GHR: variants seen among roughly 807,000 people sequenced by gnomAD.
GHR encodes growth hormone receptor.
In GHR, 35 loss-of-function variants were observed where a neutral mutation model predicts 67.1. The observed-to-expected ratio is 0.52, with a 90% confidence interval of 0.40 to 0.69. GHR has a LOEUF of 0.69. GHR is among the 30% of genes least tolerant of loss of function. The pLI, the probability that GHR is intolerant of heterozygous loss-of-function variation, is 0.00. For synonymous variants in GHR, 272 were observed against 269.1 expected (o/e 1.01, Z -0.10); for missense variants, 792 against 764.6 (o/e 1.04, Z -0.42).
chr5:42,449,510 C>T (rs1743957939), intron 1 of GHR, among the ~76,000 whole-genome samples: 1 of 152,078 alleles, frequency 6.6e-6, no homozygotes. Context: ...TTACTGAATT[C>T]ATTTATCAGA....
At chr5:42,570,330 T>C (rs1409654633) in intron 2 of GHR, among the ~76,000 whole-genome samples, 1 of 152,244 alleles carries the variant, frequency 6.6e-6, no homozygotes, top group African/African-American at 2.4e-5. Context: ...TGCGTCCATG[T>C]ACATCAGCAA....
Position 42,699,929 on chromosome 5 carries a change from A to G in GHR, c.545A>G (p.Asp182Gly), listed in dbSNP as rs778131985. 5 of 1,598,432 alleles carry G rather than the reference A, an allele frequency of 3.1e-6. No individual in the cohort carries two copies. The highest frequency in any genetic ancestry group is 4.3e-6 in the Non-Finnish European group (5 of 1,165,634). Reference sequence around the variant, plus strand: ...AGATGGGAAGCACCACGCAATGCAGATATTCAGAAAGGATGGATGGTTCTG... The same window carrying G: ...AGATGGGAAGCACCACGCAATGCAGGTATTCAGAAAGGATGGATGGTTCTG... ...QVRWEAPRNA[D>G]IQKGWMVLEY... Residue 182 changes from aspartate (D) to glycine (G), a missense_variant, in exon 6 of 10, where the codon GAT becomes GGT. Asp to Gly is a moderately conservative substitution (Grantham distance 94, BLOSUM62 -1). Transcript: ENST00000230882.
At position 42,465,805 on chromosome 5, in the gene GHR, T is replaced by A. The variant is rs924905134; in HGVS notation, c.-12+41850T>A. On this transcript the variant is annotated intron_variant, in intron 1 of 9. Coordinates refer to ENST00000230882, the MANE Select transcript of GHR (RefSeq NM_000163.5). ...TTTCACGTCCACTGCCCTCTCGACC[T>A]CTTCCAAGACCACCATGACCTTGAA... 7.1e-5 allele frequency: 56 copies of A among 783,870 alleles called. 1 individual carries two copies. The South Asian group carries it at 7.3e-4, about 10-fold the overall frequency. 48.6% of individuals were successfully genotyped at this position (783,870 alleles called of 1,614,324 possible).
At chr5:42,675,348 T>C (rs1756519404) in intron 3 of GHR, among the ~76,000 whole-genome samples, 1 of 152,218 alleles carries the variant, frequency 6.6e-6, no homozygotes, top group African/African-American at 2.4e-5. Flanking sequence ...AAAAGATCAC[T>C]GACAGAATAG....
chr5:42,488,914 C>G (rs1745995890), intron 1 of GHR, among the ~76,000 whole-genome samples: 1 of 152,194 alleles, frequency 6.6e-6, no homozygotes, highest in Non-Finnish European at 1.5e-5. Flanking sequence ...GGTTAAAAAA[C>G]TAGCCCAAGT....
intron 1 of GHR, chr5:42,467,655 G>C: frequency 6.2e-7 from 1 of 1,605,506 alleles, no homozygotes; most frequent in Non-Finnish European, 8.5e-7. Context: ...GTCCAGTGTG[G>C]ATTCTCTGAT....
chr5:42,430,745 T>G (rs1421984523), intron 1 of GHR, among the ~76,000 whole-genome samples: 1 of 152,104 alleles, frequency 6.6e-6, no homozygotes, highest in African/African-American at 2.4e-5. Context: ...AAGCAATGAT[T>G]CAGTTCCTTT....
intron 3 of GHR, among the ~76,000 whole-genome samples, chr5:42,687,203 A>G (rs1382715073): frequency 6.6e-6 from 1 of 152,198 alleles, no homozygotes; most frequent in African/African-American, 2.4e-5. Flanking sequence ...AAACATCCTC[A>G]TGGATAGGAA....
At chr5:42,443,048 T>C (rs1189415870) in intron 1 of GHR, among the ~76,000 whole-genome samples, 3 of 152,168 alleles carry the variant, frequency 2.0e-5, no homozygotes, top group Admixed American at 2.0e-4. Context: ...TACTGTCTTT[T>C]TGGAGGGGCA....
intron 1 of GHR, among the ~76,000 whole-genome samples, chr5:42,518,760 A>G (rs1747349302): frequency 6.6e-6 from 1 of 152,184 alleles, no homozygotes; most frequent in Non-Finnish European, 1.5e-5. Flanking sequence ...TTCACAAGAA[A>G]CCATGTTGAT....
chr5:42,457,466 CA>C (rs1744309531), intron 1 of GHR, among the ~76,000 whole-genome samples: 1 of 152,122 alleles, frequency 6.6e-6, no homozygotes, highest in South Asian at 2.1e-4. Flanking sequence ...GCGTAAATAT[CA>C]AATTTGTTCC....
At position 42,467,714 on chromosome 5, in the gene GHR, A is replaced by T. The variant is rs556910276; in HGVS notation, c.-12+43759A>T. On this transcript the variant is annotated intron_variant, in intron 1 of 9. Coordinates refer to ENST00000230882, the MANE Select transcript of GHR (RefSeq NM_000163.5). ...ATGAAGGCCTTCCCACACTCATGACATTCAAAAGGTTTCTCCCCGGTGTGG... is the reference window on the plus strand; with the variant it reads ...ATGAAGGCCTTCCCACACTCATGACTTTCAAAAGGTTTCTCCCCGGTGTGG... 4 of 1,573,160 alleles carry T rather than the reference A, an allele frequency of 2.5e-6. No homozygotes were observed. In the African/African-American group the frequency reaches 5.4e-5, roughly 21 times the overall value.
chr5:42,517,057 T>C (rs763308954), intron 1 of GHR, among the ~76,000 whole-genome samples: 10 of 152,236 alleles, frequency 6.6e-5, no homozygotes, highest in Non-Finnish European at 1.3e-4. Flanking sequence ...ACACTTAGTT[T>C]GGCATGTAAC....
At chr5:42,632,775 G>A (rs1000707830) in intron 3 of GHR, among the ~76,000 whole-genome samples, 5 of 152,112 alleles carry the variant, frequency 3.3e-5, no homozygotes, top group Non-Finnish European at 7.3e-5. Context: ...CACAGACTTA[G>A]GATAAGAAGA....
At chr5:42,682,912 T>G (rs1336624056) in intron 3 of GHR, among the ~76,000 whole-genome samples, 1 of 152,214 alleles carries the variant, frequency 6.6e-6, no homozygotes, top group East Asian at 1.9e-4. Context: ...AGGGCTGTGG[T>G]CTCATCTGAA....
intron 3 of GHR, among the ~76,000 whole-genome samples, chr5:42,660,134 G>A (rs1188440589): frequency 6.6e-6 from 1 of 152,202 alleles, no homozygotes; most frequent in Non-Finnish European, 1.5e-5. Context: ...GCCCACAACA[G>A]CTCAAGGAGG....
Position 42,505,600 on chromosome 5 carries a change from G to A in GHR, c.-11-60264G>A, listed in dbSNP as rs564347272. 9.9e-5 allele frequency among the ~76,000 whole-genome samples: 15 copies of A among 152,258 alleles called. No homozygotes were observed. In the South Asian group the frequency reaches 2.9e-3, roughly 29 times the overall value. ...AGCTCAGTGGAAAGAGTCCACTGAG[G>A]TAGGTAGACTTGGGTTTGAGTCAGA... is the stretch of plus-strand genomic sequence containing the variant. On this transcript the variant is annotated intron_variant, in intron 1 of 9. Transcript: ENST00000230882.
At chr5:42,507,821 G>A (rs1746841436) in intron 1 of GHR, among the ~76,000 whole-genome samples, 2 of 152,198 alleles carry the variant, frequency 1.3e-5, no homozygotes, top group African/African-American at 4.8e-5. Context: ...CCAGAGCATA[G>A]GAATGTGGGG....
intron 3 of GHR, among the ~76,000 whole-genome samples, chr5:42,632,630 T>C (rs1388850991): frequency 6.6e-6 from 1 of 152,224 alleles, no homozygotes; most frequent in Non-Finnish European, 1.5e-5. Context: ...CAGATTAGTT[T>C]CTTAAGAAAC....
Sources: allele counts gnomAD v4.1 joint callset (sites outside exome capture counted in the v4.1 genomes callset), GRCh38; gene constraint gnomAD v4.1.1; transcripts MANE v1.5; gene names NCBI Gene and HGNC (gene_info 2026-07-23, HGNC 2026-07-21).